TXNRD2: variants seen among roughly 807,000 people sequenced by gnomAD.
TXNRD2 encodes thioredoxin reductase 2, also known as thioredoxin reductase 2, mitochondrial.
In TXNRD2, 67 loss-of-function variants were observed where a neutral mutation model predicts 70.8. That is an observed-to-expected ratio of 0.95 (90% CI 0.78 to 1.16). The LOEUF is 1.16. TXNRD2 is among the 50% of genes most tolerant of loss of function. TXNRD2 has a pLI of 0.00. For synonymous variants in TXNRD2, 301 were observed against 295.8 expected (o/e 1.02, Z -0.18); for missense variants, 644 against 719.9 (o/e 0.89, Z 1.21).
At chr22:19,920,125 G>A (rs1363387169) in intron 2 of TXNRD2, among the ~76,000 whole-genome samples, 2 of 152,226 alleles carry the variant, frequency 1.3e-5, no homozygotes, top group African/African-American at 4.8e-5. Context: ...GGACACCAAA[G>A]CTCAGGAGAA....
chr22:19,907,612 G>A (rs546280932), intron 8 of TXNRD2, among the ~76,000 whole-genome samples: 1 of 39,108 alleles, frequency 2.6e-5, no homozygotes, highest in African/African-American at 1.2e-4. Context: ...TGTGGGCGCC[G>A]TGGATAGCAG....
intron 5 of TXNRD2, 123 bp downstream of exon 5, chr22:19,918,020 C>T (rs972430693): frequency 3.6e-6 from 3 of 822,914 alleles, no homozygotes; most frequent in Non-Finnish European, 6.2e-6. Flanking sequence ...CACCCATGAG[C>T]AGGACATGAA....
intron 5 of TXNRD2, among the ~76,000 whole-genome samples, chr22:19,917,256 A>C (rs1292630058): frequency 6.6e-6 from 1 of 152,180 alleles, no homozygotes; most frequent in Non-Finnish European, 1.5e-5. Context: ...GGGAGGGCAG[A>C]GCCTGCTGTC....
intron 8 of TXNRD2, among the ~76,000 whole-genome samples, chr22:19,900,290 G>A (rs56751524): frequency 1.3e-5 from 2 of 152,060 alleles, no homozygotes; most frequent in East Asian, 1.9e-4. Context: ...GCTCAGGGCC[G>A]GCAACACTTG....
chr22:19,898,905 C>G (rs1321827818), intron 9 of TXNRD2, 144 bp downstream of exon 9: 2 of 1,030,542 alleles, frequency 1.9e-6, no homozygotes, highest in African/African-American at 3.2e-5. Flanking sequence ...TCCCCAGGCA[C>G]AGTAGATCCT....
chr22:19,929,131 T>C (rs1259175350), intron 2 of TXNRD2, among the ~76,000 whole-genome samples: 1 of 151,098 alleles, frequency 6.6e-6, no homozygotes, highest in Admixed American at 6.6e-5. Context: ...ATTGAGACCA[T>C]CCTGGTTAAC....
In TXNRD2 at chr22:19,883,409, A is replaced by G. The variant is rs1938875775; in HGVS notation, c.1002T>C (p.Thr334=). The change falls in exon 12 of 18, where the codon ACT becomes ACC. Residue 334 remains threonine, a synonymous_variant. Transcript: ENST00000400521. ...SLNLEKAGVD[T]SPDTQKILVD... ...CCAGGATCTTCTGAGTGTCGGGGCT[A>G]GTATCTACCCCAGCCTTCTCCAAAT... 5 of 1,614,034 alleles carry G rather than the reference A, an allele frequency of 3.1e-6. No homozygotes were observed. Among genetic ancestry groups the G allele is most frequent in the Middle Eastern group, 1.6e-4 (1 of 6,062 alleles).
At chr22:19,923,844 C>CT (rs34120716) in intron 2 of TXNRD2, among the ~76,000 whole-genome samples, 1,449 of 78,104 alleles carry the variant, frequency 0.019, 27 homozygotes, top group African/African-American at 0.032. Flanking sequence ...ACCCCTGAGG[C>CT]TTTTTTTTTT....
intron 1 of TXNRD2, among the ~76,000 whole-genome samples, chr22:19,940,866 T>C (rs1387860423): frequency 2.0e-5 from 3 of 152,090 alleles, no homozygotes; most frequent in Non-Finnish European, 4.4e-5. Flanking sequence ...AAAACCTCCA[T>C]AGCACCAACT....
intron 2 of TXNRD2, among the ~76,000 whole-genome samples, chr22:19,930,597 G>T (rs924630085): frequency 4.6e-5 from 7 of 152,146 alleles, no homozygotes; most frequent in African/African-American, 1.7e-4. Context: ...CAAGGACAGG[G>T]ACAAGCAGGA....
chr22:19,926,705 C>G (rs980849378), intron 2 of TXNRD2, among the ~76,000 whole-genome samples: 1 of 151,804 alleles, frequency 6.6e-6, no homozygotes, highest in Admixed American at 6.6e-5. Flanking sequence ...TGCTTGAGCC[C>G]GAGAGGCCGA....
At chr22:19,895,238 C>T in intron 11 of TXNRD2, 169 bp downstream of exon 11, 1 of 1,594,608 alleles carries the variant, frequency 6.3e-7, no homozygotes, top group Non-Finnish European at 8.5e-7. Context: ...AGTGTGAGTG[C>T]CGCCCCACAG....
chr22:19,919,445 G>T, intron 3 of TXNRD2, 98 bp downstream of exon 3: 1 of 1,080,286 alleles, frequency 9.3e-7, no homozygotes, highest in Non-Finnish European at 1.4e-6. Context: ...GGACAGCAGG[G>T]CTGAAGGACT....
chr22:19,883,165 C>T (rs937908782), intron 12 of TXNRD2, among the ~76,000 whole-genome samples, 160 bp downstream of exon 12: 4 of 152,258 alleles, frequency 2.6e-5, no homozygotes, highest in African/African-American at 9.6e-5. Context: ...CAGGTTGCCC[C>T]AGAACTCCAG....
intron 8 of TXNRD2, among the ~76,000 whole-genome samples, chr22:19,909,882 AC>A (rs1462813729): frequency 9.6e-4 from 99 of 103,524 alleles, no homozygotes; most frequent in Admixed American, 1.6e-3. Flanking sequence ...ACTCACACAC[AC>A]CACTCACACA....
Position 19,877,072 on chromosome 22 carries a change from C to A in TXNRD2, c.*33G>T, listed in dbSNP as rs777706603. On this transcript the variant is annotated 3_prime_UTR_variant, in exon 17 of 18. Transcript: ENST00000400521. ...TGGCCTCCGAGGAGCTGGCGGCGGG[C>A]GCACCGTGTGCCCTGGCCTGCAGGG... The A allele has an allele frequency of 1.3e-6, 2 of 1,575,158 alleles. No individual in the cohort carries two copies. Among genetic ancestry groups the A allele is most frequent in the Non-Finnish European group, 8.7e-7 (1 of 1,151,344 alleles).
chr22:19,884,664 T>C (rs1938941907), intron 11 of TXNRD2, among the ~76,000 whole-genome samples: 1 of 152,082 alleles, frequency 6.6e-6, no homozygotes, highest in Admixed American at 6.5e-5. Context: ...CCCAATGGCC[T>C]CCTCCCTATC....
At chr22:19,909,508 C>T (rs1474384816) in intron 8 of TXNRD2, among the ~76,000 whole-genome samples, 1 of 147,580 alleles carries the variant, frequency 6.8e-6, no homozygotes, top group Non-Finnish European at 1.5e-5. Context: ...CTCACACACA[C>T]ACACACCACT....
At chr22:19,901,373 C>G (rs1939770407) in intron 8 of TXNRD2, among the ~76,000 whole-genome samples, 2 of 152,166 alleles carry the variant, frequency 1.3e-5, no homozygotes, top group South Asian at 4.1e-4. Flanking sequence ...GAGGGTACAG[C>G]TAGGAGGAGG....
Sources: gnomAD v4.1 joint callset for allele counts (sites outside exome capture counted in the v4.1 genomes callset) on GRCh38, gnomAD v4.1.1 for gene constraint, MANE v1.5 for transcripts, NCBI Gene and HGNC (gene_info 2026-07-23, HGNC 2026-07-21) for gene names.